The following ZFHX3 variants were observed in gnomAD, a reference collection of about 807,000 sequenced individuals.
ZFHX3 encodes the protein zinc finger homeobox 3.
ZFHX3 carries 42 observed loss-of-function variants against 279.1 expected under a neutral mutation model. The ratio of observed to expected loss-of-function variants is 0.15; its 90% CI spans 0.12 to 0.19. The LOEUF is 0.19. Among genes scored for constraint, ZFHX3 ranks in the 10% least tolerant of loss-of-function variants. The pLI, the probability that ZFHX3 is intolerant of heterozygous loss-of-function variation, is 1.00. For missense variants in ZFHX3, 4,981 were observed against 4,754.0 expected, an observed-to-expected ratio of 1.05 and a Z score of -1.40; for synonymous variants, 2,293 against 1,957.8, an observed-to-expected ratio of 1.17 and a Z score of -4.52.
chr16:73,682,763 G>T (rs549344720), intron 1 of ZFHX3, among the ~76,000 whole-genome samples: 2 of 149,014 alleles, frequency 1.3e-5, no homozygotes, highest in East Asian at 3.9e-4. Flanking sequence ...CTCCAGCCTG[G>T]GCAACAAGAG....
intron 7 of ZFHX3, among the ~76,000 whole-genome samples, chr16:73,124,936 T>C (rs1966544702): frequency 6.6e-6 from 1 of 152,210 alleles, no homozygotes. Context: ...TCCTCTTGCC[T>C]ATTTTTGCCA....
At chr16:73,735,214 A>G (rs1427659336) in intron 1 of ZFHX3, among the ~76,000 whole-genome samples, 1 of 152,130 alleles carries the variant, frequency 6.6e-6, no homozygotes, top group Non-Finnish European at 1.5e-5. Context: ...AAATCCCCAC[A>G]GCTGAAAGTA....
At chr16:73,241,372 CT>C (rs1349964511) in intron 5 of ZFHX3, among the ~76,000 whole-genome samples, 1 of 152,172 alleles carries the variant, frequency 6.6e-6, no homozygotes, top group Non-Finnish European at 1.5e-5. Flanking sequence ...CAATGCTACC[CT>C]TTTCACACTA....
At chr16:73,555,215 C>T (rs948016012) in intron 2 of ZFHX3, among the ~76,000 whole-genome samples, 2 of 151,914 alleles carry the variant, frequency 1.3e-5, no homozygotes, top group East Asian at 3.9e-4. Context: ...AGTGCAGTGG[C>T]GCGATCTCAG....
rs765948721 is a variant in ZFHX3 at position 72,798,545 on chromosome 16, C to A, written c.4137G>T (p.Thr1379=). 6.2e-7 allele frequency: 1 copy of A among 1,614,178 alleles called. No individual in the cohort carries two copies. The highest frequency in any genetic ancestry group is 8.5e-7 in the Non-Finnish European group (1 of 1,180,040). The change falls in exon 9 of 10, where the codon ACG becomes ACT. Residue 1379 remains threonine (T), a synonymous_variant. Transcript: ENST00000268489. ...QVFKTSAALQ[T]HFNEVHAKRP... ...TCTTGGCATGCACTTCATTAAAATG[C>A]GTCTGAAGGGCAGCAGAAGTTTTGA...
intron 1 of ZFHX3, among the ~76,000 whole-genome samples, chr16:73,862,774 A>G (rs1567433377): frequency 6.6e-6 from 1 of 151,946 alleles, no homozygotes; most frequent in East Asian, 1.9e-4. Context: ...GAGACCCTGT[A>G]CAATCAATCA....
chr16:73,683,032 G>A (rs1458227624), intron 1 of ZFHX3, among the ~76,000 whole-genome samples: 3 of 151,514 alleles, frequency 2.0e-5, no homozygotes, highest in Non-Finnish European at 2.9e-5. Flanking sequence ...GAGGGAGGGA[G>A]AAGGAAGGAA....
chr16:72,843,682 C>T (rs12446919), intron 4 of ZFHX3, among the ~76,000 whole-genome samples: 2,733 of 152,226 alleles, frequency 0.018, 51 homozygotes, highest in East Asian at 0.083. Flanking sequence ...CAGCCTCACA[C>T]CCTGCTCCCT....
chr16:73,029,500 C>A (rs1964620298), intron 1 of ZFHX3, among the ~76,000 whole-genome samples: 1 of 152,176 alleles, frequency 6.6e-6, no homozygotes, highest in South Asian at 2.1e-4. Flanking sequence ...AGTGATGCCA[C>A]AGGTAGAAAC....
At chr16:73,166,755 G>T (rs547842864) in intron 5 of ZFHX3, among the ~76,000 whole-genome samples, 1 of 152,248 alleles carries the variant, frequency 6.6e-6, no homozygotes, top group South Asian at 2.1e-4. Context: ...CTCTCAAACC[G>T]CAAGAAACCT....
intron 1 of ZFHX3, among the ~76,000 whole-genome samples, chr16:73,870,085 G>A (rs936200173): frequency 5.3e-5 from 8 of 152,174 alleles, no homozygotes; most frequent in Non-Finnish European, 1.0e-4. Context: ...CAGAGTATAC[G>A]TAGGAAGGTC....
At chr16:72,950,178 G>A (rs1269185922) in intron 3 of ZFHX3, among the ~76,000 whole-genome samples, 1 of 151,988 alleles carries the variant, frequency 6.6e-6, no homozygotes, top group South Asian at 2.1e-4. Flanking sequence ...AAGAGCCCAT[G>A]TAAGAAAGAA....
At chr16:73,031,813 C>G (rs1003134168) in intron 1 of ZFHX3, among the ~76,000 whole-genome samples, 1 of 152,048 alleles carries the variant, frequency 6.6e-6, no homozygotes, top group African/African-American at 2.4e-5. Flanking sequence ...GTGACCCTTG[C>G]TAGAAGGAGA....
At chr16:73,884,157 T>C (rs947839377) in intron 1 of ZFHX3, among the ~76,000 whole-genome samples, 1 of 152,136 alleles carries the variant, frequency 6.6e-6, no homozygotes, top group Non-Finnish European at 1.5e-5. Flanking sequence ...AAACCCAACA[T>C]TTTAGATTAT....
intron 4 of ZFHX3, among the ~76,000 whole-genome samples, chr16:72,855,607 G>T (rs1220935297): frequency 1.3e-5 from 2 of 152,192 alleles, no homozygotes; most frequent in African/African-American, 4.8e-5. Context: ...TGAAAGAAAG[G>T]TTCCAAGATT....
chr16:73,152,331 T>A (rs1304163659), intron 5 of ZFHX3, among the ~76,000 whole-genome samples: 1 of 152,226 alleles, frequency 6.6e-6, no homozygotes. Context: ...TCTAGCTTTA[T>A]CAAGGAAGAT....
At chr16:72,829,888 TTAAAAA>T in intron 4 of ZFHX3, 29 bp from the exon 5 acceptor site, 1 of 1,613,168 alleles carries the variant, frequency 6.2e-7, no homozygotes, top group East Asian at 2.2e-5. Flanking sequence ...ATGTCAAGGG[TTAAAAA>T]TAAAAAGAAG....
intron 4 of ZFHX3, among the ~76,000 whole-genome samples, chr16:72,885,604 G>A (rs1011349934): frequency 6.6e-6 from 1 of 152,176 alleles, no homozygotes; most frequent in Non-Finnish European, 1.5e-5. Flanking sequence ...AGAAACTATT[G>A]CAGAGTTCAC....
At chr16:73,622,425 G>T (rs2052372161) in intron 2 of ZFHX3, among the ~76,000 whole-genome samples, 1 of 152,236 alleles carries the variant, frequency 6.6e-6, no homozygotes, top group Admixed American at 6.5e-5. Flanking sequence ...AGCCAGGCGT[G>T]GTGGCGGGCA....
Sources: gnomAD v4.1 joint callset for allele counts (sites outside exome capture counted in the v4.1 genomes callset) on GRCh38, gnomAD v4.1.1 for gene constraint, MANE v1.5 for transcripts, NCBI Gene and HGNC (gene_info 2026-07-23, HGNC 2026-07-21) for gene names.